DAB1: variants seen among roughly 807,000 people sequenced by gnomAD.
DAB1 encodes DAB adaptor protein 1, also known as disabled homolog 1.
Under a neutral mutation model 64.6 loss-of-function variants are expected in DAB1, and 15 were observed. That is an observed-to-expected ratio of 0.23 (90% CI 0.16 to 0.36). The LOEUF (loss-of-function observed/expected upper bound fraction) is 0.36. Among genes scored for constraint, DAB1 ranks in the 10% least tolerant of loss-of-function variants. The pLI is 1.00. For synonymous variants in DAB1, 235 were observed against 251.9 expected, an observed-to-expected ratio of 0.93 and a Z score of 0.64; for missense variants, 596 against 706.7, an observed-to-expected ratio of 0.84 and a Z score of 1.78.
chr1:57,305,057 C>T (rs1241011098), intron 1 of DAB1, among the ~76,000 whole-genome samples: 2 of 152,160 alleles, frequency 1.3e-5, no homozygotes, highest in South Asian at 2.1e-4. Context: ...GAGGTGCCAG[C>T]GGGAAACTGA....
chr1:57,012,082 T>C (rs1646284122), intron 12 of DAB1, among the ~76,000 whole-genome samples: 1 of 152,206 alleles, frequency 6.6e-6, no homozygotes, highest in Non-Finnish European at 1.5e-5. Flanking sequence ...ATACCACTCT[T>C]CTTTTAATAA....
chr1:58,144,230 A>G (rs1321342583), intron 5 of DAB1, among the ~76,000 whole-genome samples: 2 of 152,224 alleles, frequency 1.3e-5, no homozygotes, highest in East Asian at 1.9e-4. Flanking sequence ...ATTCTGAAAC[A>G]ATAATGCCCT....
At chr1:57,687,162 A>T (rs550911314) in intron 6 of DAB1, among the ~76,000 whole-genome samples, 2 of 152,352 alleles carry the variant, frequency 1.3e-5, no homozygotes, top group Admixed American at 1.3e-4. Context: ...CTTCATCAAA[A>T]GGCTACTAGA....
intron 4 of DAB1, among the ~76,000 whole-genome samples, chr1:58,293,165 A>G (rs1433432305): frequency 6.6e-6 from 1 of 152,204 alleles, no homozygotes; most frequent in East Asian, 1.9e-4. Context: ...GGTAGGCAAA[A>G]GAAAAAAGTC....
At chr1:57,144,892 T>G (rs987664102) in intron 3 of DAB1, among the ~76,000 whole-genome samples, 25 of 152,096 alleles carry the variant, frequency 1.6e-4, no homozygotes, top group South Asian at 2.1e-4. Flanking sequence ...AAAATCAACT[T>G]TTATCTTAAC....
chr1:57,883,697 C>T (rs1442838915), intron 1 of DAB1, among the ~76,000 whole-genome samples: 2 of 152,230 alleles, frequency 1.3e-5, no homozygotes, highest in Non-Finnish European at 2.9e-5. Flanking sequence ...TGGTTTTATT[C>T]TAATCCATTT....
chr1:58,172,595 C>A (rs895762411), intron 4 of DAB1, among the ~76,000 whole-genome samples: 1 of 152,194 alleles, frequency 6.6e-6, no homozygotes, highest in Admixed American at 6.5e-5. Context: ...GCATGACTGC[C>A]AACAAATTAT....
intron 3 of DAB1, among the ~76,000 whole-genome samples, chr1:58,470,014 T>C (rs1328848398): frequency 6.6e-6 from 1 of 151,978 alleles, no homozygotes; most frequent in Admixed American, 6.5e-5. Context: ...TCTCATTTAC[T>C]CTTCACAGCA....
intron 6 of DAB1, among the ~76,000 whole-genome samples, chr1:57,763,359 G>A (rs1216592406): frequency 2.6e-5 from 4 of 152,140 alleles, no homozygotes. Context: ...GTAATGGTAA[G>A]ATTTAGTTCT....
intron 2 of DAB1, among the ~76,000 whole-genome samples, chr1:57,191,782 C>T (rs1157564651): frequency 6.6e-6 from 1 of 152,108 alleles, no homozygotes; most frequent in African/African-American, 2.4e-5. Flanking sequence ...GGGAGACAGA[C>T]TTTTGATCCT....
intron 5 of DAB1, among the ~76,000 whole-genome samples, chr1:58,079,286 C>T (rs1181441123): frequency 6.6e-6 from 1 of 152,120 alleles, no homozygotes; most frequent in Non-Finnish European, 1.5e-5. Context: ...CTGGCAGAAA[C>T]AACACCCTCC....
Position 57,553,442 on chromosome 1 carries a change from G to GAAAAAGAAAGAA in DAB1, n.625+96149_625+96150insTTCTTTCTTTTT, listed in dbSNP as rs59263518. Among the ~76,000 whole-genome samples the GAAAAAGAAAGAA allele has an allele frequency of 1.0e-4, 7 of 68,192 alleles. 2 individuals are homozygous for GAAAAAGAAAGAA. The highest frequency in any genetic ancestry group is 4.7e-4 in the East Asian group (1 of 2,144). The allele number at this position is 68,192 out of a possible 152,430, so 44.7% of individuals were successfully genotyped here. A position where few individuals can be genotyped will look rare whatever the true frequency, so the allele number is the denominator to read the frequency against. On this transcript the variant is annotated intron_variant and non_coding_transcript_variant, in intron 7 of 20. Transcript: ENST00000485760. ...AGAAAGAAAGAAAGAAAGAAAGAAA[G>GAAAAAGAAAGAA]AGAAAGAAAGAAAGAAAGAGAAAGG...
intron 7 of DAB1, among the ~76,000 whole-genome samples, chr1:57,504,583 C>T (rs75036723): frequency 0.067 from 10,204 of 152,122 alleles, 1,157 homozygotes; most frequent in African/African-American, 0.23. Flanking sequence ...GAATATATAA[C>T]TCTCCTGTGC....
chr1:57,053,692 T>A (rs865792334), intron 9 of DAB1, among the ~76,000 whole-genome samples: 23 of 112,756 alleles, frequency 2.0e-4, no homozygotes, highest in African/African-American at 5.9e-4. Context: ...ATATATATTT[T>A]TTTTTTTTTT....
At chr1:57,290,831 C>T in intron 2 of DAB1, 133 bp downstream of exon 2, 1 of 554,176 alleles carries the variant, frequency 1.8e-6, no homozygotes. Flanking sequence ...ATATTATTAA[C>T]ACAAAACACA....
chr1:57,472,229 GA>G (rs1188484155), intron 7 of DAB1, among the ~76,000 whole-genome samples: 1 of 152,190 alleles, frequency 6.6e-6, no homozygotes, highest in Non-Finnish European at 1.5e-5. Flanking sequence ...TGCCGTTTTA[GA>G]ACAGGTCATT....
At chr1:58,062,631 G>A (rs906897803) in intron 5 of DAB1, among the ~76,000 whole-genome samples, 2 of 152,218 alleles carry the variant, frequency 1.3e-5, no homozygotes, top group African/African-American at 4.8e-5. Context: ...TTCTGTTCCT[G>A]GTGCAGAGTG....
intron 2 of DAB1, among the ~76,000 whole-genome samples, chr1:57,198,786 A>C (rs1377493609): frequency 6.6e-6 from 1 of 152,120 alleles, no homozygotes; most frequent in African/African-American, 2.4e-5. Context: ...TAGGTGTTTC[A>C]AAGGAGAGAA....
At chr1:57,397,675 C>G (rs1682922935) in intron 1 of DAB1, among the ~76,000 whole-genome samples, 1 of 152,206 alleles carries the variant, frequency 6.6e-6, no homozygotes, top group South Asian at 2.1e-4. Flanking sequence ...TCATGATCAA[C>G]TTTTTCTTAA....
Sources: gnomAD v4.1 joint callset for allele counts (sites outside exome capture counted in the v4.1 genomes callset) on GRCh38, gnomAD v4.1.1 for gene constraint, MANE v1.5 for transcripts, NCBI Gene and HGNC (gene_info 2026-07-23, HGNC 2026-07-21) for gene names.